The following WDFY2 variants were observed in gnomAD, a reference collection of about 807,000 sequenced individuals.
The protein encoded by WDFY2 is WD repeat and FYVE domain containing 2, also known as WD repeat and FYVE domain-containing protein 2.
WDFY2 carries 36 observed loss-of-function variants against 56.4 expected under a neutral mutation model. That is an observed-to-expected ratio of 0.64 (90% CI 0.49 to 0.84). The LOEUF (loss-of-function observed/expected upper bound fraction) is 0.84. Among genes scored for constraint, WDFY2 ranks in the 40% least tolerant of loss-of-function variants. The pLI, the probability that WDFY2 is intolerant of heterozygous loss-of-function variation, is 0.00. For missense variants in WDFY2, 444 were observed against 512.2 expected, an observed-to-expected ratio of 0.87 and a Z score of 1.29; for synonymous variants, 176 against 183.7, an observed-to-expected ratio of 0.96 and a Z score of 0.34.
chr13:51,676,039 C>G (rs1489338792), intron 3 of WDFY2, among the ~76,000 whole-genome samples: 1 of 152,182 alleles, frequency 6.6e-6, no homozygotes, highest in African/African-American at 2.4e-5. Context: ...GCTCACACTT[C>G]CCCACAGGGT....
chr13:51,629,842 G>C (rs1308167285), intron 1 of WDFY2, among the ~76,000 whole-genome samples: 1 of 43,796 alleles, frequency 2.3e-5, no homozygotes, highest in Non-Finnish European at 4.9e-5. Flanking sequence ...TTTTTTTTTT[G>C]GTTTATAGAT....
chr13:51,715,295 AAC>A, intron 4 of WDFY2, among the ~76,000 whole-genome samples: 1 of 152,216 alleles, frequency 6.6e-6, no homozygotes, highest in Non-Finnish European at 1.5e-5. Context: ...TTAAAACACA[AAC>A]ACAACTGTAC....
intron 2 of WDFY2, among the ~76,000 whole-genome samples, chr13:51,674,369 A>G (rs748313723): frequency 1.3e-5 from 2 of 152,178 alleles, no homozygotes; most frequent in Non-Finnish European, 2.9e-5. Context: ...GAGCAAGCAC[A>G]GGTAGAGAAG....
chr13:51,650,769 T>C (rs1955364423), intron 1 of WDFY2, among the ~76,000 whole-genome samples: 1 of 152,214 alleles, frequency 6.6e-6, no homozygotes, highest in Non-Finnish European at 1.5e-5. Context: ...GAAGCCCACT[T>C]GATCATGGTG....
chr13:51,621,271 G>A (rs573835876), intron 1 of WDFY2, among the ~76,000 whole-genome samples: 4 of 152,290 alleles, frequency 2.6e-5, no homozygotes, highest in African/African-American at 9.6e-5. Context: ...TTGGGAGGCC[G>A]AGGAGGGCAG....
intron 3 of WDFY2, among the ~76,000 whole-genome samples, chr13:51,677,253 G>C (rs2138507934): frequency 6.6e-6 from 1 of 152,236 alleles, no homozygotes; most frequent in South Asian, 2.1e-4. Flanking sequence ...AAAGATTCAG[G>C]ACCCTGGCTT....
intron 5 of WDFY2, among the ~76,000 whole-genome samples, chr13:51,721,854 G>A (rs1952498061): frequency 2.0e-5 from 3 of 152,240 alleles, no homozygotes; most frequent in South Asian, 2.1e-4. Context: ...CAAGAACCAC[G>A]TGACTTTTCT....
chr13:51,697,460 C>G (rs1188165673), intron 3 of WDFY2, among the ~76,000 whole-genome samples: 1 of 151,948 alleles, frequency 6.6e-6, no homozygotes, highest in Non-Finnish European at 1.5e-5. Context: ...TGGTAAAACG[C>G]CATCTCTACA....
intron 6 of WDFY2, 63 bp downstream of exon 6, chr13:51,727,853 C>G: frequency 6.8e-7 from 1 of 1,479,814 alleles, no homozygotes; most frequent in Non-Finnish European, 9.4e-7. Context: ...TGCTGCATCT[C>G]CTGATGTTCA....
intron 10 of WDFY2, chr13:51,756,702 T>C: frequency 1.0e-6 from 1 of 957,524 alleles, no homozygotes; most frequent in Non-Finnish European, 1.2e-6. Context: ...TTCTAGGTTA[T>C]GTGCCTTTAA....
intron 1 of WDFY2, among the ~76,000 whole-genome samples, chr13:51,652,149 C>T (rs891771506): frequency 6.6e-6 from 1 of 152,116 alleles, no homozygotes; most frequent in Non-Finnish European, 1.5e-5. Context: ...ATCCCTTTAC[C>T]ATTATGTAAT....
intron 1 of WDFY2, among the ~76,000 whole-genome samples, chr13:51,596,889 T>C (rs1234102249): frequency 6.6e-6 from 1 of 152,168 alleles, no homozygotes; most frequent in Non-Finnish European, 1.5e-5. Context: ...CTCTCAAGGC[T>C]CAGAATAAGT....
At chr13:51,647,873 A>G (rs1955290201) in intron 1 of WDFY2, among the ~76,000 whole-genome samples, 2 of 152,106 alleles carry the variant, frequency 1.3e-5, no homozygotes, top group East Asian at 3.9e-4. Flanking sequence ...GTATGCATGT[A>G]TACACACACA....
intron 8 of WDFY2, among the ~76,000 whole-genome samples, chr13:51,753,923 A>AACAAT (rs1234396232): frequency 6.6e-6 from 1 of 150,642 alleles, no homozygotes; most frequent in African/African-American, 2.4e-5. Flanking sequence ...TGTCTCTACT[A>AACAAT]ACAATACAAA....
chr13:51,643,032 T>G (rs549259105), intron 1 of WDFY2, among the ~76,000 whole-genome samples: 1 of 152,336 alleles, frequency 6.6e-6, no homozygotes, highest in South Asian at 2.1e-4. Context: ...AGACTACAGT[T>G]GTGGAGAGAG....
chr13:51,740,576 T>C (rs1302251304), intron 7 of WDFY2, among the ~76,000 whole-genome samples: 1 of 152,128 alleles, frequency 6.6e-6, no homozygotes, highest in Non-Finnish European at 1.5e-5. Flanking sequence ...TAGCCGAGCA[T>C]AGTGGCGCGT....
chr13:51,626,038 C>T (rs909660641), intron 1 of WDFY2, among the ~76,000 whole-genome samples: 9 of 152,198 alleles, frequency 5.9e-5, no homozygotes, highest in African/African-American at 2.2e-4. Flanking sequence ...CTGGCTGGTA[C>T]ACCAGTGGCC....
rs966735184 is a variant in WDFY2, at chr13:51,700,352, T to G, written c.280-3244T>G. On this transcript the variant is annotated intron_variant, in intron 3 of 11. Transcript: ENST00000298125. Reference sequence around the variant, plus strand: ...TAATAAAAAAAGAAGGAATAGAAACTATTTTATCCAAAATATTTCAAATGT... The same window carrying G: ...TAATAAAAAAAGAAGGAATAGAAACGATTTTATCCAAAATATTTCAAATGT... Among the ~76,000 whole-genome samples the G allele has an allele frequency of 2.0e-5, 3 of 152,356 alleles. No individual in the cohort carries two copies. The East Asian group carries it at 5.8e-4, about 29-fold the overall frequency.
At chr13:51,665,347 G>T (rs544294246) in intron 2 of WDFY2, among the ~76,000 whole-genome samples, 1 of 152,276 alleles carries the variant, frequency 6.6e-6, no homozygotes, top group South Asian at 2.1e-4. Flanking sequence ...GCATGAGCTT[G>T]TAAACCAGGC....
Sources: allele counts gnomAD v4.1 joint callset (sites outside exome capture counted in the v4.1 genomes callset), GRCh38; gene constraint gnomAD v4.1.1; transcripts MANE v1.5; gene names NCBI Gene and HGNC (gene_info 2026-07-23, HGNC 2026-07-21).